The following TRMU variants were observed in gnomAD, a reference collection of about 807,000 sequenced individuals.
The protein encoded by TRMU is tRNA mitochondrial 2-thiouridylase.
In TRMU, 49 loss-of-function variants were observed where a neutral mutation model predicts 46.9. The observed-to-expected ratio is 1.05, with a 90% CI of 0.83 to 1.33. The LOEUF is 1.33. Among genes scored for constraint, TRMU ranks in the 40% most tolerant of loss-of-function variants. TRMU has a pLI of 0.00. For missense variants in TRMU, 572 were observed against 532.4 expected (o/e 1.07, Z -0.73); for synonymous variants, 241 against 200.9 (o/e 1.20, Z -1.69).
Position 46,342,556 on chromosome 22 carries a change from C to A in TRMU, c.249-706C>A, listed in dbSNP as rs997823584. Among the ~76,000 whole-genome samples the A allele has an allele frequency of 2.0e-5, 3 of 152,202 alleles. No individual in the cohort carries two copies. Among genetic ancestry groups the A allele is most frequent in the Non-Finnish European group, 2.9e-5 (2 of 68,028 alleles). The stretch of plus-strand genomic sequence containing the variant: ...AGACCCACAGTCAGAAAGGTAGACG[C>A]TTGTAATCCTAGCACTTTAGGAGGC... On this transcript the variant is annotated intron_variant, in intron 2 of 10. Coordinates refer to ENST00000645190, the MANE Select transcript of TRMU (RefSeq NM_018006.5). The surrounding 1 kb of genome is among the most constrained non-coding windows in gnomAD (Gnocchi z 4.7).
chr22:46,340,210 T>A (rs1750395529), intron 2 of TRMU, among the ~76,000 whole-genome samples: 1 of 151,544 alleles, frequency 6.6e-6, no homozygotes, highest in African/African-American at 2.4e-5. Flanking sequence ...GTGTGGGGGG[T>A]TGTCAGGGTC....
At position 46,351,269 on chromosome 22, in the gene TRMU, C is replaced by G. The variant is rs1010281; in HGVS notation, c.651+806C>G. The stretch of plus-strand genomic sequence containing the variant: ...TGTGGCCCCAGCTCCTCAGGAGGAT[C>G]GAGCGCACCCAGGAGTTTGAGGACA... On this transcript the variant is annotated intron_variant, in intron 5 of 10. Coordinates refer to ENST00000645190, the MANE Select transcript of TRMU (RefSeq NM_018006.5). The surrounding 1 kb of genome is among the most constrained non-coding windows in gnomAD (Gnocchi z 6.4). 6.6e-6 allele frequency among the ~76,000 whole-genome samples: 1 copy of G among 152,130 alleles called. No individual in the cohort carries two copies. Among genetic ancestry groups the G allele is most frequent in the African/African-American group, 2.4e-5 (1 of 41,396 alleles).
Position 46,355,575 on chromosome 22 carries a change from C to A in TRMU, c.1005C>A (p.His335Gln), listed in dbSNP as rs527830627. Reference protein sequence around the residue: ...KMMECHFRFRHQMALVPCVLT... With the variant: ...KMMECHFRFRQQMALVPCVLT... ...TGGAGTGCCACTTCCGATTCCGCCACCAGATGGCACTAGGTGACTGACGGG... is the reference window on the plus strand; with the variant it reads ...TGGAGTGCCACTTCCGATTCCGCCAACAGATGGCACTAGGTGACTGACGGG... Residue 335 changes from histidine (H) to glutamine (Q), a missense_variant, in exon 9 of 11, where the codon CAC becomes CAA. Physicochemically the swap from His to Gln is conservative, Grantham distance 24. Coordinates refer to ENST00000645190, the MANE Select transcript of TRMU (RefSeq NM_018006.5). 4 of 1,613,368 alleles carry A rather than the reference C, an allele frequency of 2.5e-6. No individual in the cohort carries two copies. The highest frequency in any genetic ancestry group is 3.4e-6 in the Non-Finnish European group (4 of 1,180,050).
intron 2 of TRMU, among the ~76,000 whole-genome samples, chr22:46,340,034 T>C (rs2078080426): frequency 6.6e-6 from 1 of 152,000 alleles, no homozygotes; most frequent in Admixed American, 6.6e-5. Context: ...AGATTTGGAC[T>C]TCATGGGGAG....
chr22:46,335,902 TCCCC>T, intron 1 of TRMU, 56 bp downstream of exon 1: 1 of 1,523,242 alleles, frequency 6.6e-7, no homozygotes, highest in South Asian at 1.2e-5. Context: ...CGGAAACCTG[TCCCC>T]GTCCGTCGTG....
chr22:46,337,957 C>A lies in TRMU; in HGVS notation c.248+13C>A, dbSNP rs2078023379. On this transcript the variant is annotated intron_variant, in intron 2 of 10. Coordinates refer to ENST00000645190, the MANE Select transcript of TRMU (RefSeq NM_018006.5). Reference sequence around the variant, plus strand: ...ATGATGTGTTCAGGTGAGTGCGGGTCACAGCACAAAGGAAGCTTCCTCACA... The same window carrying A: ...ATGATGTGTTCAGGTGAGTGCGGGTAACAGCACAAAGGAAGCTTCCTCACA... The A allele has an allele frequency of 1.9e-6, 3 of 1,613,796 alleles. No individual in the cohort carries two copies. The highest frequency in any genetic ancestry group is 2.5e-6 in the Non-Finnish European group (3 of 1,179,942).
chr22:46,341,505 A>G (rs576678808), intron 2 of TRMU, among the ~76,000 whole-genome samples: 12 of 152,368 alleles, frequency 7.9e-5, no homozygotes, highest in African/African-American at 2.4e-4. Flanking sequence ...AAGATATCCA[A>G]GGAACCTCTG....
rs2147125467 is a variant in TRMU, at chr22:46,357,185, G to C, written c.*179G>C. ...GCCCCAGGAAGAGCCTCAGCTCCAG[G>C]CTGGGGCTCTGGCTGCTGGAGCATC... is the stretch of plus-strand genomic sequence containing the variant. On this transcript the variant is annotated 3_prime_UTR_variant, in exon 11 of 11. Coordinates refer to ENST00000645190, the MANE Select transcript of TRMU (RefSeq NM_018006.5). The C allele has an allele frequency of 7.4e-6, 6 of 807,616 alleles. No homozygotes were observed. The highest frequency in any genetic ancestry group is 1.2e-5 in the Non-Finnish European group (6 of 507,788). 50.0% of individuals were successfully genotyped at this position (807,616 alleles called of 1,614,324 possible).
At position 46,350,899 on chromosome 22, in the gene TRMU, G is replaced by A. The variant is rs1384603157; in HGVS notation, c.651+436G>A. ...GTTCGGTGCCATCTGTTCGGGCGCT[G>A]TGCTGCTGGGCCGCGAGGAATTGGT... On this transcript the variant is annotated intron_variant, in intron 5 of 10. Coordinates refer to ENST00000645190, the MANE Select transcript of TRMU (RefSeq NM_018006.5). The surrounding 1 kb of genome is among the most constrained non-coding windows in gnomAD (Gnocchi z 4.6). Among the ~76,000 whole-genome samples the A allele has an allele frequency of 2.0e-5, 3 of 152,236 alleles. No individual in the cohort carries two copies. Among genetic ancestry groups the A allele is most frequent in the African/African-American group, 7.2e-5 (3 of 41,460 alleles).
chr22:46,352,585 A>G (rs959211785), intron 7 of TRMU: 4 of 578,382 alleles, frequency 6.9e-6, no homozygotes, highest in African/African-American at 3.7e-5. Context: ...TGGAAGGACT[A>G]TACTCTGTGA....
chr22:46,340,476 T>C (rs894221259), intron 2 of TRMU, among the ~76,000 whole-genome samples: 2 of 152,122 alleles, frequency 1.3e-5, no homozygotes, highest in East Asian at 3.9e-4. Context: ...TGAGGCCAGA[T>C]AGGAAGAGTG....
At chr22:46,340,592 C>T (rs1439181558) in intron 2 of TRMU, among the ~76,000 whole-genome samples, 1 of 144,996 alleles carries the variant, frequency 6.9e-6, no homozygotes, top group Non-Finnish European at 1.5e-5. Flanking sequence ...GGGATTAAAC[C>T]CCAGAATTAG....
rs2078170368 is a variant in TRMU, at chr22:46,343,290, A to G, written c.277A>G (p.Arg93Gly). The change falls in exon 3 of 11, where the codon AGG (arginine) becomes GGG (glycine). Residue 93 changes from arginine to glycine, a missense_variant. Transcript: ENST00000645190. ...SDFLNEYEKG[R>G]TPNPDIVCNK... ...CTTTTTGAATGAGTATGAAAAAGGA[A>G]GGACTCCCAATCCTGACATAGTTTG... is the stretch of plus-strand genomic sequence containing the variant. 6.2e-7 allele frequency: 1 copy of G among 1,613,962 alleles called. No individual in the cohort carries two copies. Among genetic ancestry groups the G allele is most frequent in the Non-Finnish European group, 8.5e-7 (1 of 1,179,886 alleles).
In TRMU at chr22:46,336,041, C is replaced by A. The variant is rs920804724; in HGVS notation, c.82+195C>A. The A allele has an allele frequency of 4.3e-5, 60 of 1,411,406 alleles. No homozygotes were observed. In the African/African-American group the frequency reaches 7.5e-4, roughly 18 times the overall value. The allele number at this position is 1,411,406 out of a possible 1,614,324, so 87.4% of individuals were successfully genotyped here. ...CCACCTGTGTAGTCGGAGGTGTGCG[C>A]GACTGCAGCTCCGACTACCTGGGAG... On this transcript the variant is annotated intron_variant, in intron 1 of 10. Transcript: ENST00000645190. The surrounding 1 kb of genome is among the most constrained non-coding windows in gnomAD (Gnocchi z 4.1).
chr22:46,335,805 G>GCGTGGACAGCGC lies in TRMU; in HGVS notation c.47_58dup (p.Asp16_Val19dup). The stretch of plus-strand genomic sequence containing the variant: ...CACGTCGTGTGCGCCCTGTCCGGCG[G>GCGTGGACAGCGC]CGTGGACAGCGCCGTGGCCGCGCTG... On this transcript the variant is annotated inframe_insertion, in exon 1 of 11. Transcript: ENST00000645190. 6.4e-7 allele frequency: 1 copy of GCGTGGACAGCGC among 1,561,176 alleles called. No individual in the cohort carries two copies. The highest frequency in any genetic ancestry group is 8.6e-7 in the Non-Finnish European group (1 of 1,158,648).
chr22:46,357,079 C>A lies in TRMU; in HGVS notation c.*73C>A. 1 of 1,595,126 alleles carries A rather than the reference C, an allele frequency of 6.3e-7. No homozygotes were observed. Among genetic ancestry groups the A allele is most frequent in the Non-Finnish European group, 8.6e-7 (1 of 1,169,230 alleles). On this transcript the variant is annotated 3_prime_UTR_variant, in exon 11 of 11. Transcript: ENST00000645190. ...GGGCGGCTGGTGAGCAGTCCAGGTG[C>A]CCAAGGGCCAGCTTGCTGCTGCCCA...
At position 46,347,694 on chromosome 22, in the gene TRMU, G is replaced by A. The variant is rs1272130152; in HGVS notation, c.478+1150G>A. Among the ~76,000 whole-genome samples, 1 of 152,196 alleles carries A rather than the reference G, an allele frequency of 6.6e-6. No individual in the cohort carries two copies. The highest frequency in any genetic ancestry group is 1.5e-5 in the Non-Finnish European group (1 of 68,036). On this transcript the variant is annotated intron_variant, in intron 4 of 10. Transcript: ENST00000645190. The surrounding 1 kb of genome is among the most constrained non-coding windows in gnomAD (Gnocchi z 5.0). The stretch of plus-strand genomic sequence containing the variant: ...CCTCTTAGCAGTCCATGAGGTGTAT[G>A]CTCTCATCCCGTTTCACAGATGAGG...
At position 46,342,693 on chromosome 22, in the gene TRMU, C is replaced by CA. The variant is rs1287143898; in HGVS notation, c.249-568dup. Among the ~76,000 whole-genome samples the CA allele has an allele frequency of 6.6e-6, 1 of 152,216 alleles. No homozygotes were observed. The highest frequency in any genetic ancestry group is 1.5e-5 in the Non-Finnish European group (1 of 68,038). On this transcript the variant is annotated intron_variant, in intron 2 of 10. Coordinates refer to ENST00000645190, the MANE Select transcript of TRMU (RefSeq NM_018006.5). This position sits in a 1 kb window ranked among gnomAD's most constrained non-coding sequence, Gnocchi z 4.7. ...TTGCAGTGGGCCAGGTGCGGTGGCT[C>CA]ACGCCTCTAATTCCAGCATTTTGGG...
intron 8 of TRMU, 21 bp from the exon 9 acceptor site, chr22:46,355,423 C>T (rs918588067): frequency 6.2e-6 from 10 of 1,612,058 alleles, no homozygotes; most frequent in Non-Finnish European, 7.6e-6. Context: ...GGCGTCCCCA[C>T]CTTCACATTC....
Sources: gnomAD v4.1 joint callset for allele counts (sites outside exome capture counted in the v4.1 genomes callset) on GRCh38, gnomAD v4.1.1 for gene constraint, Gnocchi (gnomAD v3.1) non-coding constraint, MANE v1.5 for transcripts, NCBI Gene and HGNC (gene_info 2026-07-23, HGNC 2026-07-21) for gene names.